Variants in PTPRD observed in about 807,000 individuals in gnomAD.
The protein encoded by PTPRD is receptor-type tyrosine-protein phosphatase delta.
Under a neutral mutation model 214.5 loss-of-function variants are expected in PTPRD, and 34 were observed. That is an observed-to-expected ratio of 0.16 (90% CI 0.12 to 0.21). The LOEUF (loss-of-function observed/expected upper bound fraction) is 0.21, where lower values mean the gene tolerates loss of function less well. Among genes scored for constraint, PTPRD ranks in the 10% least tolerant of loss-of-function variants. The pLI is 1.00. For missense variants in PTPRD, 2,545 were observed against 2,398.7 expected (o/e 1.06, Z -1.27); for synonymous variants, 1,128 against 845.7 (o/e 1.33, Z -5.79).
chr9:10,305,862 G>A (rs910867450), intron 3 of PTPRD, among the ~76,000 whole-genome samples: 1 of 152,138 alleles, frequency 6.6e-6, no homozygotes, highest in African/African-American at 2.4e-5. Context: ...AAGAGAGTGT[G>A]GCGATTCCTC....
chr9:9,891,556 A>T (rs983735720), intron 5 of PTPRD, among the ~76,000 whole-genome samples: 1 of 152,126 alleles, frequency 6.6e-6, no homozygotes, highest in Non-Finnish European at 1.5e-5. Flanking sequence ...TTTTTTTGAC[A>T]GTACTTTCAG....
chr9:9,737,480 A>G (rs1161373835), intron 6 of PTPRD, among the ~76,000 whole-genome samples: 2 of 152,202 alleles, frequency 1.3e-5, no homozygotes, highest in African/African-American at 2.4e-5. Flanking sequence ...AACCCTATAT[A>G]GTACCTATTA....
chr9:10,537,854 T>A (rs1303542581), intron 2 of PTPRD, among the ~76,000 whole-genome samples: 1 of 152,152 alleles, frequency 6.6e-6, no homozygotes, highest in African/African-American at 2.4e-5. Context: ...TAAAGATGGT[T>A]GCCAGATCAG....
intron 11 of PTPRD, among the ~76,000 whole-genome samples, chr9:8,812,644 T>C (rs1023513305): frequency 2.6e-5 from 4 of 152,034 alleles, no homozygotes; most frequent in South Asian, 2.1e-4. Context: ...CTTTAGTCCA[T>C]GTTGACCTTC....
intron 31 of PTPRD, among the ~76,000 whole-genome samples, chr9:8,466,976 G>C (rs914481264): frequency 1.3e-5 from 2 of 151,782 alleles, no homozygotes; most frequent in Non-Finnish European, 2.9e-5. Context: ...CTTCCATTAG[G>C]AATTTGATCG....
intron 2 of PTPRD, among the ~76,000 whole-genome samples, chr9:10,523,622 T>TATATATATATATATATATATATATATAC (rs554367559): frequency 3.0e-5 from 4 of 131,384 alleles, no homozygotes; most frequent in Non-Finnish European, 6.5e-5. Context: ...TATATATATA[T>TATATATATATATATATATATATATATAC]AGACAGAAAG....
Position 8,341,707 on chromosome 9 carries a change from C to G in PTPRD, c.4933G>C (p.Glu1645Gln), listed in dbSNP as rs1207163405. ...CAATACCATACCTTAAATTCGAGCT[C>G]CATTCCTGTGACATTCTCTCCCGTT... ...IETGENVTGM[E>Q]LEFKRLASSK... Residue 1645 changes from glutamate (E) to glutamine (Q), a missense_variant, in exon 40 of 46, where the codon GAG (glutamate) becomes CAG (glutamine). Transcript: ENST00000381196. The G allele has an allele frequency of 6.2e-7, 1 of 1,613,458 alleles. No individual in the cohort carries two copies.
At chr9:9,022,772 G>A (rs1041506) in intron 10 of PTPRD, among the ~76,000 whole-genome samples, 18,693 of 152,152 alleles carry the variant, frequency 0.12, 1,428 homozygotes, top group East Asian at 0.32. Context: ...TGAAGAAGCT[G>A]TAATATGATT....
intron 34 of PTPRD, chr9:8,437,389 GT>G (rs2095395707): frequency 1.7e-6 from 1 of 587,532 alleles, no homozygotes; most frequent in African/African-American, 1.9e-5. Flanking sequence ...CTAGTACAAT[GT>G]GACTACTACA....
intron 10 of PTPRD, among the ~76,000 whole-genome samples, chr9:9,106,097 CAT>C (rs1189646922): frequency 6.6e-6 from 1 of 152,104 alleles, no homozygotes; most frequent in Non-Finnish European, 1.5e-5. Context: ...ACAACTACAA[CAT>C]AGCAAGAGCT....
chr9:8,378,035 A>G (rs943666532), intron 37 of PTPRD, among the ~76,000 whole-genome samples: 1 of 152,138 alleles, frequency 6.6e-6, no homozygotes, highest in African/African-American at 2.4e-5. Flanking sequence ...AGTAAGCTAG[A>G]TATTAAATTC....
chr9:10,099,511 T>A (rs2098530266), intron 3 of PTPRD, among the ~76,000 whole-genome samples: 1 of 151,728 alleles, frequency 6.6e-6, no homozygotes, highest in Admixed American at 6.6e-5. Flanking sequence ...TTGATATTAT[T>A]ATTTTCTATT....
At chr9:9,023,136 C>A (rs916625716) in intron 10 of PTPRD, among the ~76,000 whole-genome samples, 1 of 152,080 alleles carries the variant, frequency 6.6e-6, no homozygotes, top group Non-Finnish European at 1.5e-5. Flanking sequence ...AAAGTGCACA[C>A]AAATGCTTTG....
At chr9:10,460,191 T>A (rs1353970158) in intron 2 of PTPRD, among the ~76,000 whole-genome samples, 1 of 151,946 alleles carries the variant, frequency 6.6e-6, no homozygotes, top group African/African-American at 2.4e-5. Flanking sequence ...GAAAGACCCG[T>A]AAACTGAAAA....
At position 10,570,275 on chromosome 9, in the gene PTPRD, TATCAGACTAA is replaced by T. The variant is rs571133434; in HGVS notation, c.-600+42113_-600+42122del. On this transcript the variant is annotated intron_variant, in intron 2 of 45. Coordinates refer to ENST00000381196, the MANE Select transcript of PTPRD (RefSeq NM_002839.4). Reference sequence around the variant, plus strand: ...TTTGACCATTCAAGTAATAATACATTATCAGACTAAACTCATTAAGAAGTCCAAAGGATAT... The same window carrying T: ...TTTGACCATTCAAGTAATAATACATTACTCATTAAGAAGTCCAAAGGATAT... Among the ~76,000 whole-genome samples the T allele has an allele frequency of 1.1e-3, 173 of 152,188 alleles. 1 individual carries two copies. Among genetic ancestry groups the T allele is most frequent in the African/African-American group, 3.9e-3 (160 of 41,532 alleles).
chr9:10,308,597 A>G (rs1408692995), intron 3 of PTPRD, among the ~76,000 whole-genome samples: 1 of 152,090 alleles, frequency 6.6e-6, no homozygotes, highest in Non-Finnish European at 1.5e-5. Flanking sequence ...TTCTGTGAAT[A>G]ATACCATTAG....
At chr9:8,935,563 T>G (rs1212194773) in intron 11 of PTPRD, among the ~76,000 whole-genome samples, 2 of 152,136 alleles carry the variant, frequency 1.3e-5, no homozygotes, top group East Asian at 3.9e-4. Context: ...ACATACTAAA[T>G]AGATCCCGAG....
At chr9:9,247,799 C>G (rs1157343796) in intron 9 of PTPRD, among the ~76,000 whole-genome samples, 16 of 152,040 alleles carry the variant, frequency 1.1e-4, no homozygotes, top group Admixed American at 1.0e-3. Context: ...GAATCAGATT[C>G]AATGAGGGCA....
chr9:9,732,135 C>T (rs1330463236), intron 7 of PTPRD, among the ~76,000 whole-genome samples: 1 of 152,010 alleles, frequency 6.6e-6, no homozygotes, highest in African/African-American at 2.4e-5. Context: ...TACGAGCAGA[C>T]ACACTGATCA....
Sources: gnomAD v4.1 joint callset for allele counts (sites outside exome capture counted in the v4.1 genomes callset) on GRCh38, gnomAD v4.1.1 for gene constraint, MANE v1.5 for transcripts, NCBI Gene and HGNC (gene_info 2026-07-23, HGNC 2026-07-21) for gene names.